The following MYOM1 variants were observed in gnomAD, a reference collection of about 807,000 sequenced individuals.
MYOM1 encodes myomesin 1, also known as myomesin-1.
MYOM1 carries 164 observed loss-of-function variants against 205.3 expected under a neutral mutation model. The observed-to-expected ratio is 0.80, with a 90% confidence interval of 0.70 to 0.91. The LOEUF (loss-of-function observed/expected upper bound fraction) is 0.91. MYOM1 is among the 40% of genes least tolerant of loss of function. The pLI is 0.00. For synonymous variants in MYOM1, 772 were observed against 789.4 expected, an observed-to-expected ratio of 0.98 and a Z score of 0.37; for missense variants, 2,011 against 2,127.3, an observed-to-expected ratio of 0.95 and a Z score of 1.08.
At chr18:3,225,373 T>C in the MYOM1 span, among the ~76,000 whole-genome samples, 1 of 152,200 alleles carries the variant, frequency 6.6e-6, no homozygotes, top group Non-Finnish European at 1.5e-5. Flanking sequence ...ATTTTGCCCA[T>C]CTGAACCTTC....
intron 19 of MYOM1, among the ~76,000 whole-genome samples, chr18:3,121,554 A>C (rs1214300867): frequency 6.6e-6 from 1 of 152,214 alleles, no homozygotes. Flanking sequence ...AACAATAATC[A>C]CATTGCTGTT....
At chr18:3,081,807 G>T (rs1009198987) in intron 33 of MYOM1, among the ~76,000 whole-genome samples, 1 of 152,134 alleles carries the variant, frequency 6.6e-6, no homozygotes, top group Non-Finnish European at 1.5e-5. Context: ...TATGACTCAG[G>T]AAATAATAAA....
At chr18:3,081,447 T>C (rs2079085641) in intron 33 of MYOM1, among the ~76,000 whole-genome samples, 1 of 152,166 alleles carries the variant, frequency 6.6e-6, no homozygotes, top group African/African-American at 2.4e-5. Context: ...ATGTCATAGG[T>C]ACACGGAAAC....
chr18:3,226,294 T>A, the MYOM1 span, among the ~76,000 whole-genome samples: 1 of 152,178 alleles, frequency 6.6e-6, no homozygotes, highest in African/African-American at 2.4e-5. This position sits in a 1 kb window ranked among gnomAD's most constrained non-coding sequence, Gnocchi z 4.6. Flanking sequence ...GGAGAATGCA[T>A]TCAGACAGAG....
intron 11 of MYOM1, among the ~76,000 whole-genome samples, chr18:3,153,251 C>G (rs542034567): frequency 6.6e-6 from 1 of 152,212 alleles, no homozygotes; most frequent in African/African-American, 2.4e-5. Context: ...AACCTACAGC[C>G]AGGCTCACAT....
Position 3,215,069 on chromosome 18 carries a change from G to T in MYOM1, c.155C>A (p.Ala52Asp). The T allele has an allele frequency of 6.2e-7, 1 of 1,613,582 alleles. No individual in the cohort carries two copies. The change falls in exon 2 of 38, where the codon GCC becomes GAC. Residue 52 changes from alanine to aspartate, a missense_variant. Transcript: ENST00000356443. Reference protein sequence around the residue: ...GSTAYSSRSSAAHRRESEAFR... With the variant: ...GSTAYSSRSSDAHRRESEAFR... ...GGCCTCGGACTCCCGGCGGTGCGCGGCGGAGGAGCGGCTGCTGTAGGCCGT... is the reference window on the plus strand; with the variant it reads ...GGCCTCGGACTCCCGGCGGTGCGCGTCGGAGGAGCGGCTGCTGTAGGCCGT...
rs1162601502 is a variant in MYOM1, at chr18:3,090,683, ATGG to A, written c.3981_3983del (p.His1328del). On this transcript the variant is annotated inframe_deletion, in exon 27 of 38. Transcript: ENST00000356443. Reference sequence around the variant, plus strand: ...CATCTCCAACGAGAACAACAGTAGAATGGTTAGTTGCTTTTCCATCTTGAAGCT... The same window carrying A: ...CATCTCCAACGAGAACAACAGTAGAATTAGTTGCTTTTCCATCTTGAAGCT... 6.2e-7 allele frequency: 1 copy of A among 1,613,842 alleles called. No individual in the cohort carries two copies. Among genetic ancestry groups the A allele is most frequent in the African/African-American group, 1.3e-5 (1 of 74,910 alleles).
At chr18:3,198,819 G>A (rs2081027920) in intron 2 of MYOM1, among the ~76,000 whole-genome samples, 1 of 151,570 alleles carries the variant, frequency 6.6e-6, no homozygotes, top group Non-Finnish European at 1.5e-5. Context: ...TTATTCTCCT[G>A]TAGTAAAACC....
intron 21 of MYOM1, among the ~76,000 whole-genome samples, chr18:3,114,707 T>C (rs927585907): frequency 1.3e-4 from 19 of 151,984 alleles, no homozygotes; most frequent in African/African-American, 4.3e-4. Context: ...GTGCTTCTTA[T>C]GTTTGAATTT....
intron 36 of MYOM1, among the ~76,000 whole-genome samples, chr18:3,073,725 A>G (rs2078987938): frequency 6.6e-6 from 1 of 152,242 alleles, no homozygotes; most frequent in Non-Finnish European, 1.5e-5. Flanking sequence ...TTGCCTGGGC[A>G]TGCCCACATG....
chr18:3,079,319 T>C lies in MYOM1; in HGVS notation c.4508A>G (p.Asp1503Gly). Residue 1503 changes from aspartate to glycine, a missense_variant, in exon 34 of 38, where the codon GAC becomes GGC. Transcript: ENST00000356443. ...SHNGSAIRYSDRVKTGVTGEQ... is the reference protein window; with the variant it reads ...SHNGSAIRYSGRVKTGVTGEQ... ...TCCAGTGACCCCGGTCTTAACTCTGTCTGAGTACCTAATGGCGGACCCACT... is the reference window on the plus strand; with the variant it reads ...TCCAGTGACCCCGGTCTTAACTCTGCCTGAGTACCTAATGGCGGACCCACT... 1 of 1,613,322 alleles carries C rather than the reference T, an allele frequency of 6.2e-7. No individual in the cohort carries two copies. The highest frequency in any genetic ancestry group is 8.5e-7 in the Non-Finnish European group (1 of 1,179,354).
intron 10 of MYOM1, among the ~76,000 whole-genome samples, chr18:3,160,520 G>A (rs1265725992): frequency 6.6e-6 from 1 of 152,100 alleles, no homozygotes; most frequent in African/African-American, 2.4e-5. Context: ...GGTAATGGTT[G>A]CCCAACTCTG....
Position 3,071,840 on chromosome 18 carries a change from C to A in MYOM1, c.4758G>T (p.Glu1586Asp). The A allele has an allele frequency of 1.2e-6, 2 of 1,602,066 alleles. No individual in the cohort carries two copies. Among genetic ancestry groups the A allele is most frequent in the Admixed American group, 1.7e-5 (1 of 58,606 alleles). The change falls in exon 37 of 38, where the codon GAG becomes GAT. Residue 1586 changes from glutamate to aspartate, a missense_variant. Coordinates refer to ENST00000356443, the MANE Select transcript of MYOM1 (RefSeq NM_003803.4). ...AGGCAGGCTTCATGCTTACCTTCCC[C>A]TCCTGGATGGTGACCACGTCTGGGA... ...GGLPDVVTIQ[E>D]GKALNLTCNV... is the part of the protein sequence containing the mutation.
chr18:3,161,344 C>T (rs893361572), intron 10 of MYOM1, among the ~76,000 whole-genome samples: 2 of 152,158 alleles, frequency 1.3e-5, no homozygotes, highest in Non-Finnish European at 2.9e-5. Flanking sequence ...CTAACTGTCC[C>T]CAGCAATCAT....
At chr18:3,097,137 A>T (rs1326166147) in intron 25 of MYOM1, among the ~76,000 whole-genome samples, 1 of 152,204 alleles carries the variant, frequency 6.6e-6, no homozygotes, top group Non-Finnish European at 1.5e-5. Context: ...TTCTCTAAGA[A>T]ATAAGACAGT....
intron 5 of MYOM1, among the ~76,000 whole-genome samples, chr18:3,176,445 G>C (rs917406379): frequency 1.0e-4 from 15 of 147,806 alleles, no homozygotes; most frequent in African/African-American, 2.8e-4. Context: ...GTGCACAGCA[G>C]AATGATTGCT....
intron 18 of MYOM1, 108 bp downstream of exon 18, chr18:3,129,121 TAAG>T: frequency 7.5e-7 from 1 of 1,333,432 alleles, no homozygotes; most frequent in Non-Finnish European, 1.0e-6. Flanking sequence ...ACACATACAA[TAAG>T]AATGGACATT....
the MYOM1 span, among the ~76,000 whole-genome samples, chr18:3,239,394 G>C: frequency 1.3e-5 from 2 of 152,200 alleles, no homozygotes; most frequent in African/African-American, 4.8e-5. Context: ...TGTCAACTGA[G>C]AGTGAGGATA....
chr18:3,236,385 T>A, the MYOM1 span: 2 of 152,250 alleles, frequency 1.3e-5, no homozygotes, highest in Non-Finnish European at 2.9e-5. Flanking sequence ...CTTAATAAAA[T>A]TCTGGATATA....
Sources: allele counts gnomAD v4.1 joint callset (sites outside exome capture counted in the v4.1 genomes callset), GRCh38; gene constraint gnomAD v4.1.1; non-coding constraint Gnocchi (gnomAD v3.1); transcripts MANE v1.5; gene names NCBI Gene and HGNC (gene_info 2026-07-23, HGNC 2026-07-21).